The following TMEM26 variants were observed in gnomAD, a reference collection of about 807,000 sequenced individuals.
TMEM26 encodes the protein transmembrane protein 26.
Under a neutral mutation model 28.8 loss-of-function variants are expected in TMEM26, and 38 were observed. That is an observed-to-expected ratio of 1.32 (90% confidence interval 1.02 to 1.73). TMEM26 has a LOEUF of 1.73. Ranked by LOEUF, TMEM26 falls within the 40% of genes most tolerant of loss-of-function variation. The pLI is 0.00. For missense variants in TMEM26, 518 were observed against 447.1 expected (o/e 1.16, Z -1.43); for synonymous variants, 227 against 182.9 (o/e 1.24, Z -1.95).
chr10:61,423,657 G>T (rs1839783437), intron 4 of TMEM26, among the ~76,000 whole-genome samples: 1 of 152,158 alleles, frequency 6.6e-6, no homozygotes, highest in African/African-American at 2.4e-5. Context: ...AAGATCACTT[G>T]AGTCCAGGAG....
At position 61,410,336 on chromosome 10, in the gene TMEM26, G is replaced by T. The variant is rs752760740; in HGVS notation, c.1093C>A (p.His365Asn). Residue 365 changes from histidine to asparagine, a missense_variant, in exon 6 of 6, where the codon CAC (histidine) becomes AAC (asparagine). Transcript: ENST00000399298. ...RGSPVTSDDS[H>N]HTP ...TCAATCAATAACTAAGGGGTGTGGT[G>T]GGAGTCGTCGGAGGTGACTGGGGAG... 1.9e-5 allele frequency: 31 copies of T among 1,611,102 alleles called. No individual in the cohort carries two copies. The highest frequency in any genetic ancestry group is 2.6e-5 in the Non-Finnish European group (31 of 1,177,994).
intron 4 of TMEM26, among the ~76,000 whole-genome samples, chr10:61,424,054 A>T (rs1012115409): frequency 1.3e-5 from 2 of 152,188 alleles, no homozygotes; most frequent in African/African-American, 4.8e-5. Flanking sequence ...GTCTACTCTT[A>T]CTACTTCTAT....
In TMEM26 at chr10:61,453,047, G is replaced by C. The variant is rs1414678809; in HGVS notation, c.35C>G (p.Thr12Ser). ...EGLVFLNALA[T>S]RLLFLLHSLV... Reference sequence around the variant, plus strand: ...CGAGTGCAGCAGGAACAGCAACCGAGTGGCCAGGGCGTTAAGGAAGACCAG... The same window carrying C: ...CGAGTGCAGCAGGAACAGCAACCGACTGGCCAGGGCGTTAAGGAAGACCAG... The change falls in exon 1 of 6, where the codon ACT (threonine) becomes AGT (serine). Residue 12 changes from threonine (T) to serine (S), a missense_variant. Coordinates refer to ENST00000399298, the MANE Select transcript of TMEM26 (RefSeq NM_178505.8). 2 of 1,613,720 alleles carry C rather than the reference G, an allele frequency of 1.2e-6. No homozygotes were observed. Among genetic ancestry groups the C allele is most frequent in the African/African-American group, 2.7e-5 (2 of 75,040 alleles).
intron 4 of TMEM26, chr10:61,413,781 A>G (rs1839607814): frequency 8.8e-7 from 1 of 1,136,334 alleles, no homozygotes; most frequent in African/African-American, 1.6e-5. Flanking sequence ...TCTTGGTCCC[A>G]TATTGCTGTC....
intron 2 of TMEM26, among the ~76,000 whole-genome samples, chr10:61,432,237 C>A (rs1004898652): frequency 1.3e-5 from 2 of 151,966 alleles, no homozygotes; most frequent in Non-Finnish European, 2.9e-5. Context: ...ACTGTAACAA[C>A]CTAAAAAATT....
intron 1 of TMEM26, among the ~76,000 whole-genome samples, chr10:61,442,134 T>C (rs1206434832): frequency 4.6e-5 from 7 of 152,210 alleles, no homozygotes; most frequent in Non-Finnish European, 1.0e-4. Context: ...TCATTGCTTT[T>C]GTCAGTTCAT....
intron 1 of TMEM26, among the ~76,000 whole-genome samples, chr10:61,441,587 A>G (rs1342920377): frequency 6.6e-6 from 1 of 152,202 alleles, no homozygotes; most frequent in East Asian, 1.9e-4. Flanking sequence ...GACTAATACC[A>G]TGGAAAGATC....
intron 4 of TMEM26, among the ~76,000 whole-genome samples, chr10:61,417,743 A>G (rs181643822): frequency 1.2e-4 from 18 of 152,100 alleles, no homozygotes; most frequent in African/African-American, 3.4e-4. Flanking sequence ...GGGGGAAAAA[A>G]GACTGCACAA....
intron 1 of TMEM26, among the ~76,000 whole-genome samples, chr10:61,448,203 C>T (rs575328966): frequency 3.3e-5 from 5 of 152,392 alleles, no homozygotes; most frequent in Non-Finnish European, 5.9e-5. Context: ...ACACACCTCT[C>T]TCCGGATGCA....
chr10:61,411,597 G>A (rs1037811595), intron 5 of TMEM26, among the ~76,000 whole-genome samples: 8 of 152,122 alleles, frequency 5.3e-5, no homozygotes, highest in East Asian at 3.8e-4. Context: ...AATAAATGCC[G>A]TTGTTATTTT....
chr10:61,430,894 T>C (rs1344546194), intron 3 of TMEM26, among the ~76,000 whole-genome samples: 1 of 151,964 alleles, frequency 6.6e-6, no homozygotes, highest in Non-Finnish European at 1.5e-5. Flanking sequence ...ATCTTAAAAT[T>C]ATCATATCCC....
In TMEM26 at chr10:61,431,305, A is replaced by G; in HGVS notation, c.298T>C (p.Ser100Pro). ...TCTTCTTTTCTGCTGGTATTCTGTG[A>G]TGTTCCTTCAGCCTGGATACTGCAA... ...QYCSIQAEGT[S>P]QNTSRKEDFN... is the part of the protein sequence containing the mutation. Residue 100 changes from serine to proline, a missense_variant, in exon 3 of 6, where the codon TCA becomes CCA. Ser to Pro is a moderately conservative substitution (Grantham distance 74). Transcript: ENST00000399298. The G allele has an allele frequency of 6.2e-7, 1 of 1,613,062 alleles. No individual in the cohort carries two copies. The highest frequency in any genetic ancestry group is 8.5e-7 in the Non-Finnish European group (1 of 1,179,300).
In TMEM26 at chr10:61,453,155, C is replaced by G; in HGVS notation, c.-74G>C. On this transcript the variant is annotated 5_prime_UTR_variant, in exon 1 of 6. Transcript: ENST00000399298. ...CCTGCCGGGCGTGCCCGGAGCCCAC[C>G]GGTGAGCAGGAATATGACAAGCACT... 1 of 1,494,788 alleles carries G rather than the reference C, an allele frequency of 6.7e-7. No homozygotes were observed. The highest frequency in any genetic ancestry group is 1.2e-5 in the South Asian group (1 of 83,856). The allele number at this position is 1,494,788 out of a possible 1,614,324, so 92.6% of individuals were successfully genotyped here.
rs558034316 is a variant in TMEM26 at position 61,415,413 on chromosome 10, T to A, written c.606-1878A>T. Among the ~76,000 whole-genome samples the A allele has an allele frequency of 7.7e-4, 117 of 152,204 alleles. 4 individuals carry two copies. In the South Asian group the frequency reaches 0.02, roughly 26 times the overall value. ...AGTCAATGTCTATACACAACAGATG[T>A]TCAATAAGTGCCTGAATTTTTAAAT... On this transcript the variant is annotated intron_variant, in intron 4 of 5. Transcript: ENST00000399298.
At position 61,409,146 on chromosome 10, in the gene TMEM26, G is replaced by T. The variant is rs1022803854; in HGVS notation, c.*1176C>A. The T allele has an allele frequency of 1.3e-5, 2 of 152,158 alleles. No homozygotes were observed. The highest frequency in any genetic ancestry group is 4.8e-5 in the African/African-American group (2 of 41,448). The allele number at this position is 152,158 out of a possible 1,614,324, so 9.4% of individuals were successfully genotyped here. A position where few individuals can be genotyped will look rare whatever the true frequency, so the allele number is the denominator to read the frequency against. The stretch of plus-strand genomic sequence containing the variant: ...TTTAAAGGCAAAAATCACTTTAAAA[G>T]GTTCTGAATCACCTCCATCTGGAAA... On this transcript the variant is annotated 3_prime_UTR_variant, in exon 6 of 6. Coordinates refer to ENST00000399298, the MANE Select transcript of TMEM26 (RefSeq NM_178505.8).
At chr10:61,446,193 G>T (rs1166936740) in intron 1 of TMEM26, among the ~76,000 whole-genome samples, 1 of 152,138 alleles carries the variant, frequency 6.6e-6, no homozygotes, top group African/African-American at 2.4e-5. Flanking sequence ...ACTTCTTCTT[G>T]GGAGTAAAGC....
intron 1 of TMEM26, among the ~76,000 whole-genome samples, chr10:61,451,136 T>C (rs7917718): frequency 0.035 from 5,317 of 152,274 alleles, 112 homozygotes; most frequent in Non-Finnish European, 0.052. Flanking sequence ...CCCAGTTCCC[T>C]GTATAACTTG....
chr10:61,417,118 C>A (rs1839665244), intron 4 of TMEM26, among the ~76,000 whole-genome samples: 1 of 152,000 alleles, frequency 6.6e-6, no homozygotes, highest in Middle Eastern at 3.4e-3. Flanking sequence ...AGATTAATGG[C>A]AAACACTCAA....
At chr10:61,418,359 C>T (rs912004284) in intron 4 of TMEM26, among the ~76,000 whole-genome samples, 1 of 151,928 alleles carries the variant, frequency 6.6e-6, no homozygotes, top group African/African-American at 2.4e-5. Flanking sequence ...TTTAAGACTG[C>T]ATTTTAAACA....
Sources: gnomAD v4.1 joint callset for allele counts (sites outside exome capture counted in the v4.1 genomes callset) on GRCh38, gnomAD v4.1.1 for gene constraint, MANE v1.5 for transcripts, NCBI Gene and HGNC (gene_info 2026-07-23, HGNC 2026-07-21) for gene names.